Variants in CBX2 observed in about 807,000 individuals in gnomAD.
CBX2 encodes the protein chromobox 2.
A neutral mutation model predicts 21.0 loss-of-function variants in CBX2; 11 were observed. That is an observed-to-expected ratio of 0.52 (90% CI 0.33 to 0.87). The LOEUF (loss-of-function observed/expected upper bound fraction) is 0.87, where lower values mean the gene tolerates loss of function less well. Ranked by LOEUF, CBX2 falls within the 40% of genes least tolerant of loss-of-function variation. The probability of loss-of-function intolerance (pLI) is 0.02; values close to 1 mark genes in which losing one functional copy is unlikely to be tolerated. For synonymous variants in CBX2, 364 were observed against 304.6 expected, an observed-to-expected ratio of 1.19 and a Z score of -2.03; for missense variants, 746 against 724.3, an observed-to-expected ratio of 1.03 and a Z score of -0.34.
chr17:79,778,905 CTCTT>C lies in CBX2; in HGVS notation c.117-452_117-449del, dbSNP rs782092789. ...CGTTTCTGCGTCTTCCCGGACCCCGCTCTTTCTTCGCTACCCCTCGAGGTGCCCC... is the reference window on the plus strand; with the variant it reads ...CGTTTCTGCGTCTTCCCGGACCCCGCTCTTCGCTACCCCTCGAGGTGCCCC... On this transcript the variant is annotated intron_variant, in intron 2 of 4. Coordinates refer to ENST00000310942, the MANE Select transcript of CBX2 (RefSeq NM_005189.3). This position sits in a 1 kb window ranked among gnomAD's most constrained non-coding sequence, Gnocchi z 4.8. Among the ~76,000 whole-genome samples, 1 of 152,216 alleles carries C rather than the reference CTCTT, an allele frequency of 6.6e-6. No homozygotes were observed. Among genetic ancestry groups the C allele is most frequent in the African/African-American group, 2.4e-5 (1 of 41,460 alleles).
At position 79,786,803 on chromosome 17, in the gene CBX2, A is replaced by G. The variant is rs1907669046; in HGVS notation, c.*1761A>G. ...GGTTTGCGGGGGGCAGGCGTACCAG[A>G]CTGCAAGACCCCCCAGTACCTCACC... On this transcript the variant is annotated 3_prime_UTR_variant, in exon 5 of 5. Coordinates refer to ENST00000310942, the MANE Select transcript of CBX2 (RefSeq NM_005189.3). 1 of 152,690 alleles carries G rather than the reference A, an allele frequency of 6.5e-6. No homozygotes were observed. Among genetic ancestry groups the G allele is most frequent in the African/African-American group, 2.4e-5 (1 of 41,444 alleles). The allele number at this position is 152,690 out of a possible 1,614,324, so 9.5% of individuals were successfully genotyped here.
At position 79,781,787 on chromosome 17, in the gene CBX2, C is replaced by A. The variant is rs1351261350; in HGVS notation, c.274C>A (p.Arg92Ser). The A allele has an allele frequency of 6.2e-7, 1 of 1,613,990 alleles. No homozygotes were observed. Among genetic ancestry groups the A allele is most frequent in the Non-Finnish European group, 8.5e-7 (1 of 1,179,988 alleles). ...KLTAMSSCSR[R>S]SKLKEPDAPS... Reference sequence around the variant, plus strand: ...CACTGCCATGTCCTCCTGCAGCCGGCGCTCCAAGCTCAAGGTGGGTGGCTG... The same window carrying A: ...CACTGCCATGTCCTCCTGCAGCCGGAGCTCCAAGCTCAAGGTGGGTGGCTG... Residue 92 changes from arginine (R) to serine (S), a missense_variant, in exon 4 of 5, where the codon CGC becomes AGC. By Grantham distance (110) the Arg-to-Ser change is moderately radical. This residue lies in a region of CBX2 where 701 missense variants were observed against 650.7 expected (regional missense o/e 1.08). Coordinates refer to ENST00000310942, the MANE Select transcript of CBX2 (RefSeq NM_005189.3).
intron 3 of CBX2, among the ~76,000 whole-genome samples, chr17:79,781,303 G>A (rs1299919503): frequency 1.3e-5 from 2 of 152,196 alleles, no homozygotes; most frequent in African/African-American, 2.4e-5. Flanking sequence ...GCATCTCCTT[G>A]TCCTGGGCTT....
chr17:79,784,353 C>A lies in CBX2; in HGVS notation c.910C>A (p.Pro304Thr), dbSNP rs1018105753. ...GAAAGGGGAGCTGGGAATGAGCCCTCCAGGAAGCAAAATCCCGAAGGCCCC... is the reference window on the plus strand; with the variant it reads ...GAAAGGGGAGCTGGGAATGAGCCCTACAGGAAGCAAAATCCCGAAGGCCCC... ...TQKGELGMSP[P>T]GSKIPKAPSG... The change falls in exon 5 of 5, where the codon CCA (proline) becomes ACA (threonine). Residue 304 changes from proline to threonine, a missense_variant. By Grantham distance (38) the Pro-to-Thr change is conservative. Transcript: ENST00000310942. The surrounding 1 kb of genome is among the most constrained non-coding windows in gnomAD (Gnocchi z 5.9). 1.2e-5 allele frequency: 19 copies of A among 1,613,150 alleles called. No homozygotes were observed. The South Asian group carries it at 2.1e-4, about 18-fold the overall frequency.
rs782370639 is a variant in CBX2, at chr17:79,784,441, C to T, written c.998C>T (p.Ala333Val). 1 of 1,611,880 alleles carries T rather than the reference C, an allele frequency of 6.2e-7. No individual in the cohort carries two copies. Among genetic ancestry groups the T allele is most frequent in the African/African-American group, 1.3e-5 (1 of 74,892 alleles). The change falls in exon 5 of 5, where the codon GCC becomes GTC. Residue 333 changes from alanine (A) to valine (V), a missense_variant. By Grantham distance (64) the Ala-to-Val change is moderately conservative. Around this residue, in one of 2 missense-constraint regions of CBX2, gnomAD observed 701 missense variants for 650.7 expected, o/e 1.08. Coordinates refer to ENST00000310942, the MANE Select transcript of CBX2 (RefSeq NM_005189.3). This position sits in a 1 kb window ranked among gnomAD's most constrained non-coding sequence, Gnocchi z 5.9. ...GGGGGCCCCCCGCACACCCATGGTG[C>T]CAGCAGGGTGCCTGCTGGGTGCCCA... ...NTGGPPHTHG[A>V]SRVPAGCPGP...
intron 4 of CBX2, 144 bp downstream of exon 4, chr17:79,781,945 C>T (rs1448524849): frequency 1.9e-6 from 3 of 1,614,190 alleles, no homozygotes; most frequent in Non-Finnish European, 1.7e-6. Context: ...AACAGGAGCC[C>T]CCTTTCTTCC....
rs1300111200 is a variant in CBX2 at position 79,786,213 on chromosome 17, C to T, written c.*1171C>T. 6.5e-6 allele frequency: 1 copy of T among 152,754 alleles called. No individual in the cohort carries two copies. Among genetic ancestry groups the T allele is most frequent in the Non-Finnish European group, 1.5e-5 (1 of 68,126 alleles). The allele number at this position is 152,754 out of a possible 1,614,324, so 9.5% of individuals were successfully genotyped here. On this transcript the variant is annotated 3_prime_UTR_variant, in exon 5 of 5. Transcript: ENST00000310942. Reference sequence around the variant, plus strand: ...CCGTCTGCCGGCTCTGCCTGTGCTGCAAGTGTTGGCCGTGGGTCCAGCCAA... The same window carrying T: ...CCGTCTGCCGGCTCTGCCTGTGCTGTAAGTGTTGGCCGTGGGTCCAGCCAA...
chr17:79,779,496 G>C lies in CBX2; in HGVS notation c.182+69G>C, dbSNP rs1907002647. 5 of 1,419,016 alleles carry C rather than the reference G, an allele frequency of 3.5e-6. No individual in the cohort carries two copies. In the Admixed American group the frequency reaches 5.3e-5, roughly 15 times the overall value. 87.9% of individuals were successfully genotyped at this position (1,419,016 alleles called of 1,614,324 possible). A position where few individuals can be genotyped will look rare whatever the true frequency, so the allele number is the denominator to read the frequency against. ...GTGGCTGGTTGGAGTCGTGCTGGGCGCTGCTCGCCTGCCGGGAGGCTGGAG... is the reference window on the plus strand; with the variant it reads ...GTGGCTGGTTGGAGTCGTGCTGGGCCCTGCTCGCCTGCCGGGAGGCTGGAG... On this transcript the variant is annotated intron_variant, in intron 3 of 4. Transcript: ENST00000310942.
rs1907742013 is a variant in CBX2, at chr17:79,787,899, G to C, written c.*2857G>C. On this transcript the variant is annotated 3_prime_UTR_variant, in exon 5 of 5. Coordinates refer to ENST00000310942, the MANE Select transcript of CBX2 (RefSeq NM_005189.3). ...TCACTAAGGGGAGACTTCAGGGGAG[G>C]ATCAAGCTTTGAACCAAAGCCAATC... 6.6e-6 allele frequency: 1 copy of C among 152,078 alleles called. No homozygotes were observed. Among genetic ancestry groups the C allele is most frequent in the Non-Finnish European group, 1.5e-5 (1 of 68,032 alleles). The allele number at this position is 152,078 out of a possible 1,614,324, so 9.4% of individuals were successfully genotyped here.
At chr17:79,782,492 C>A in intron 4 of CBX2, 1 of 1,189,928 alleles carries the variant, frequency 8.4e-7, no homozygotes, top group Non-Finnish European at 1.1e-6. Context: ...GGCCTCAGTC[C>A]CGGGTGTGGC....
intron 2 of CBX2, among the ~76,000 whole-genome samples, chr17:79,779,146 G>T (rs1402693326): frequency 6.6e-6 from 1 of 152,218 alleles, no homozygotes; most frequent in African/African-American, 2.4e-5. Flanking sequence ...GGTTGGAGCG[G>T]CAGTTTCCCT....
At position 79,784,566 on chromosome 17, in the gene CBX2, G is replaced by T; in HGVS notation, c.1123G>T (p.Ala375Ser). 2 of 1,612,590 alleles carry T rather than the reference G, an allele frequency of 1.2e-6. No homozygotes were observed. The highest frequency in any genetic ancestry group is 1.1e-5 in the South Asian group (1 of 91,076). ...MPGVGLLARH[A>S]TATKGVPATN... The stretch of plus-strand genomic sequence containing the variant: ...CGGGGTGGGTCTCCTTGCCCGCCAC[G>T]CCACCGCCACCAAGGGTGTCCCGGC... The change falls in exon 5 of 5, where the codon GCC becomes TCC. Residue 375 changes from alanine to serine, a missense_variant. Coordinates refer to ENST00000310942, the MANE Select transcript of CBX2 (RefSeq NM_005189.3). The surrounding 1 kb of genome is among the most constrained non-coding windows in gnomAD (Gnocchi z 5.9).
At chr17:79,781,356 C>A (rs546148971) in intron 3 of CBX2, among the ~76,000 whole-genome samples, 37 of 152,068 alleles carry the variant, frequency 2.4e-4, no homozygotes, top group African/African-American at 7.5e-4. Flanking sequence ...GTGTGGCCAC[C>A]GAGGCCACTT....
chr17:79,780,025 C>T (rs911103801), intron 3 of CBX2, among the ~76,000 whole-genome samples: 1 of 152,222 alleles, frequency 6.6e-6, no homozygotes, highest in East Asian at 1.9e-4. Flanking sequence ...GATGTCATTT[C>T]TATTTTTAGG....
rs8080971 is a variant in CBX2 at position 79,784,046 on chromosome 17, C to A, written c.603C>A (p.Pro201=). The part of the protein sequence containing the change: ...KDLGAPASKL[P]PPLSAPVAGL... ...TGGGGGCCCCGGCCAGCAAGCTGCC[C>A]CCTCCACTCAGCGCCCCCGTTGCAG... The change falls in exon 5 of 5, where the codon CCC becomes CCA. Residue 201 remains proline (P), a synonymous_variant. Transcript: ENST00000310942. This position sits in a 1 kb window ranked among gnomAD's most constrained non-coding sequence, Gnocchi z 5.9. 6.2e-7 allele frequency: 1 copy of A among 1,612,778 alleles called. No homozygotes were observed.
rs782104531 is a variant in CBX2 at position 79,778,228 on chromosome 17, C to G, written c.-8C>G. ...CGGGCGCCGCGGTCGGGCTGGCTGCCGGGCAGCATGGAGGAGCTGAGCAGC... is the reference window on the plus strand; with the variant it reads ...CGGGCGCCGCGGTCGGGCTGGCTGCGGGGCAGCATGGAGGAGCTGAGCAGC... On this transcript the variant is annotated 5_prime_UTR_variant, in exon 1 of 5. Coordinates refer to ENST00000310942, the MANE Select transcript of CBX2 (RefSeq NM_005189.3). The surrounding 1 kb of genome is among the most constrained non-coding windows in gnomAD (Gnocchi z 4.8). 1.9e-5 allele frequency: 26 copies of G among 1,403,698 alleles called. No homozygotes were observed. Among genetic ancestry groups the G allele is most frequent in the African/African-American group, 9.0e-5 (6 of 66,896 alleles). 87.0% of individuals were successfully genotyped at this position (1,403,698 alleles called of 1,614,324 possible).
chr17:79,785,311 C>A lies in CBX2; in HGVS notation c.*269C>A. 1 of 548,942 alleles carries A rather than the reference C, an allele frequency of 1.8e-6. No individual in the cohort carries two copies. The highest frequency in any genetic ancestry group is 3.3e-6 in the Non-Finnish European group (1 of 303,766). The allele number at this position is 548,942 out of a possible 1,614,324, so 34.0% of individuals were successfully genotyped here. A position where few individuals can be genotyped will look rare whatever the true frequency, so the allele number is the denominator to read the frequency against. On this transcript the variant is annotated 3_prime_UTR_variant, in exon 5 of 5. Coordinates refer to ENST00000310942, the MANE Select transcript of CBX2 (RefSeq NM_005189.3). The stretch of plus-strand genomic sequence containing the variant: ...GCTCTCCCCTCTTGCCTCAGGAAAC[C>A]CGGTGGCACCTGTGGCTCCAGGTGA...
Position 79,784,055 on chromosome 17 carries a change from C to T in CBX2, c.612C>T (p.Leu204=), listed in dbSNP as rs146051486. 2.0e-5 allele frequency: 33 copies of T among 1,612,560 alleles called. No individual in the cohort carries two copies. The highest frequency in any genetic ancestry group is 2.8e-5 in the Non-Finnish European group (33 of 1,179,866). The change falls in exon 5 of 5, where the codon CTC becomes CTT. Residue 204 remains leucine, a synonymous_variant. Transcript: ENST00000310942. The surrounding 1 kb of genome is among the most constrained non-coding windows in gnomAD (Gnocchi z 5.9). ...CGGCCAGCAAGCTGCCCCCTCCACT[C>T]AGCGCCCCCGTTGCAGGCCTGGCAG... ...GAPASKLPPP[L]SAPVAGLAAL...
rs570349166 is a variant in CBX2 at position 79,785,472 on chromosome 17, C to T, written c.*430C>T. On this transcript the variant is annotated 3_prime_UTR_variant, in exon 5 of 5. Transcript: ENST00000310942. ...TGAGGTGTCAGGAGGGGACTTCTGGCCCACCTTGCCTTCAGCCCTGGAGTG... is the reference window on the plus strand; with the variant it reads ...TGAGGTGTCAGGAGGGGACTTCTGGTCCACCTTGCCTTCAGCCCTGGAGTG... The T allele has an allele frequency of 2.8e-4, 70 of 247,092 alleles. No individual in the cohort carries two copies. The highest frequency in any genetic ancestry group is 1.3e-3 in the African/African-American group (61 of 45,554). The allele number at this position is 247,092 out of a possible 1,614,324, so 15.3% of individuals were successfully genotyped here. A position where few individuals can be genotyped will look rare whatever the true frequency, so the allele number is the denominator to read the frequency against.
Sources: allele counts gnomAD v4.1 joint callset (sites outside exome capture counted in the v4.1 genomes callset), GRCh38; gene constraint gnomAD v4.1.1; regional missense constraint gnomAD v4.1.1; non-coding constraint Gnocchi (gnomAD v3.1); transcripts MANE v1.5; gene names NCBI Gene and HGNC (gene_info 2026-07-23, HGNC 2026-07-21).